The following HOXC8 variants were observed in gnomAD, a reference collection of about 807,000 sequenced individuals.
The protein encoded by HOXC8 is homeobox protein Hox-C8.
Under a neutral mutation model 25.8 loss-of-function variants are expected in HOXC8, and 14 were observed. That is an observed-to-expected ratio of 0.54 (90% CI 0.36 to 0.85). The LOEUF is 0.85. HOXC8 is among the 40% of genes least tolerant of loss of function. HOXC8 has a pLI of 0.01. For missense variants in HOXC8, 316 were observed against 308.8 expected (o/e 1.02, Z -0.17); for synonymous variants, 144 against 124.6 (o/e 1.16, Z -1.04).
In HOXC8 at chr12:54,009,742, C is replaced by T; in HGVS notation, c.436+22C>T. The T allele has an allele frequency of 1.9e-6, 3 of 1,601,972 alleles. No individual in the cohort carries two copies. The highest frequency in any genetic ancestry group is 2.6e-6 in the Non-Finnish European group (3 of 1,170,084). On this transcript the variant is annotated intron_variant, in intron 1 of 1. Transcript: ENST00000040584. The surrounding 1 kb of genome is among the most constrained non-coding windows in gnomAD (Gnocchi z 5.0). ...CACGGTGAGAAGCCTTTTCTCTTTC[C>T]CCCTTGGTCTCCCGCGCTCCAGGGT... is the stretch of plus-strand genomic sequence containing the variant.
rs1169433713 is a variant in HOXC8 at position 54,009,574 on chromosome 12, A to G, written c.290A>G (p.Gln97Arg). 1.2e-6 allele frequency: 2 copies of G among 1,614,104 alleles called. No homozygotes were observed. Among genetic ancestry groups the G allele is most frequent in the Admixed American group, 1.7e-5 (1 of 60,012 alleles). The change falls in exon 1 of 2, where the codon CAG becomes CGG. Residue 97 changes from glutamine (Q) to arginine (R), a missense_variant. Gln to Arg is a conservative substitution (Grantham distance 43, BLOSUM62 1). Coordinates refer to ENST00000040584, the MANE Select transcript of HOXC8 (RefSeq NM_022658.4). This position sits in a 1 kb window ranked among gnomAD's most constrained non-coding sequence, Gnocchi z 5.0. ...TATGGCTACGAGGCGCTCCCCAGAC[A>G]GTCCCTTTATGGGGCTCAGCAAGAG... is the stretch of plus-strand genomic sequence containing the variant. The part of the protein sequence containing the change: ...KFYGYEALPR[Q>R]SLYGAQQEAS...
intron 1 of HOXC8, 143 bp from the exon 2 acceptor site, chr12:54,010,946 T>C (rs2136402515): frequency 4.5e-6 from 1 of 221,770 alleles, no homozygotes; most frequent in South Asian, 5.5e-5. Context: ...TTTTCTGCCC[T>C]TGTCTGCCTT....
In HOXC8 at chr12:54,011,616, G is replaced by A. The variant is rs1352959590; in HGVS notation, c.*235G>A. 5.3e-6 allele frequency: 2 copies of A among 378,472 alleles called. No homozygotes were observed. The highest frequency in any genetic ancestry group is 4.9e-5 in the East Asian group (1 of 20,426). The allele number at this position is 378,472 out of a possible 1,614,324, so 23.4% of individuals were successfully genotyped here. On this transcript the variant is annotated 3_prime_UTR_variant, in exon 2 of 2. Transcript: ENST00000040584. Reference sequence around the variant, plus strand: ...GAGACGGAGAAACAGTGAAAAGTTCGGACTCTCTGTCTCACTCCTTGCCCC... The same window carrying A: ...GAGACGGAGAAACAGTGAAAAGTTCAGACTCTCTGTCTCACTCCTTGCCCC...
In HOXC8 at chr12:54,009,447, C is replaced by A. The variant is rs770260850; in HGVS notation, c.163C>A (p.His55Asn). ...GCCCGGCTTCCAGCACGCTTCGCAC[C>A]ACGTTCAAGACTTCTTCCACCACGG... ...SAPGFQHASH[H>N]VQDFFHHGTS... The change falls in exon 1 of 2, where the codon CAC (histidine) becomes AAC (asparagine). Residue 55 changes from histidine to asparagine, a missense_variant. His to Asn is a moderately conservative substitution (Grantham distance 68, BLOSUM62 1). Coordinates refer to ENST00000040584, the MANE Select transcript of HOXC8 (RefSeq NM_022658.4). This position sits in a 1 kb window ranked among gnomAD's most constrained non-coding sequence, Gnocchi z 5.0. The A allele has an allele frequency of 6.2e-7, 1 of 1,614,172 alleles. No individual in the cohort carries two copies. The highest frequency in any genetic ancestry group is 1.7e-5 in the Admixed American group (1 of 60,034).
In HOXC8 at chr12:54,009,558, G is replaced by A. The variant is rs749816109; in HGVS notation, c.274G>A (p.Glu92Lys). 9 of 1,614,112 alleles carry A rather than the reference G, an allele frequency of 5.6e-6. No homozygotes were observed. The highest frequency in any genetic ancestry group is 1.6e-4 in the Middle Eastern group (1 of 6,084). Residue 92 changes from glutamate (E) to lysine (K), a missense_variant, in exon 1 of 2, where the codon GAG (glutamate) becomes AAG (lysine). Glu to Lys is a moderately conservative substitution (Grantham distance 56). Transcript: ENST00000040584. The surrounding 1 kb of genome is among the most constrained non-coding windows in gnomAD (Gnocchi z 5.0). ...HGDASKFYGYEALPRQSLYGA... is the reference protein window; with the variant it reads ...HGDASKFYGYKALPRQSLYGA... ...AGACGCCTCCAAATTCTATGGCTAC[G>A]AGGCGCTCCCCAGACAGTCCCTTTA...
At position 54,011,585 on chromosome 12, in the gene HOXC8, A is replaced by T. The variant is rs1420706305; in HGVS notation, c.*204A>T. ...CACTCTTTATTTGTTTGGGGGCTGGAGGGGGGAGACGGAGAAACAGTGAAA... is the reference window on the plus strand; with the variant it reads ...CACTCTTTATTTGTTTGGGGGCTGGTGGGGGGAGACGGAGAAACAGTGAAA... On this transcript the variant is annotated 3_prime_UTR_variant, in exon 2 of 2. Coordinates refer to ENST00000040584, the MANE Select transcript of HOXC8 (RefSeq NM_022658.4). 1 of 587,788 alleles carries T rather than the reference A, an allele frequency of 1.7e-6. No individual in the cohort carries two copies. The highest frequency in any genetic ancestry group is 2.6e-6 in the Non-Finnish European group (1 of 381,600). The allele number at this position is 587,788 out of a possible 1,614,324, so 36.4% of individuals were successfully genotyped here. A position where few individuals can be genotyped will look rare whatever the true frequency, so the allele number is the denominator to read the frequency against.
At position 54,011,414 on chromosome 12, in the gene HOXC8, C is replaced by G; in HGVS notation, c.*33C>G. ...AGAAAGACCCCCCCCCCCTTAGCAA[C>G]TCCCTTGAAGTTTCGTTTTATGGTA... On this transcript the variant is annotated 3_prime_UTR_variant, in exon 2 of 2. Coordinates refer to ENST00000040584, the MANE Select transcript of HOXC8 (RefSeq NM_022658.4). The G allele has an allele frequency of 8.3e-7, 1 of 1,197,842 alleles. No homozygotes were observed. The highest frequency in any genetic ancestry group is 1.1e-6 in the Non-Finnish European group (1 of 881,484). The allele number at this position is 1,197,842 out of a possible 1,614,324, so 74.2% of individuals were successfully genotyped here. A position where few individuals can be genotyped will look rare whatever the true frequency, so the allele number is the denominator to read the frequency against.
rs139248087 is a variant in HOXC8, at chr12:54,010,986, C to G, written c.437-103C>G. On this transcript the variant is annotated intron_variant, in intron 1 of 1. Coordinates refer to ENST00000040584, the MANE Select transcript of HOXC8 (RefSeq NM_022658.4). ...TCTAGCCTTTTCCATAGAGGGGAGG[C>G]GAACTGAGGAGATCAGAGAGGGGAG... 7.0e-4 allele frequency: 527 copies of G among 748,810 alleles called. 3 individuals are homozygous for G. The African/African-American group carries it at 8.4e-3, about 12-fold the overall frequency. The allele number at this position is 748,810 out of a possible 1,614,324, so 46.4% of individuals were successfully genotyped here.
In HOXC8 at chr12:54,009,426, G is replaced by A. The variant is rs747846683; in HGVS notation, c.142G>A (p.Gly48Ser). ...GTACGGGCCCGGCGGCTCGGCGCCC[G>A]GCTTCCAGCACGCTTCGCACCACGT... ...LVYGPGGSAP[G>S]FQHASHHVQD... The change falls in exon 1 of 2, where the codon GGC (glycine) becomes AGC (serine). Residue 48 changes from glycine (G) to serine (S), a missense_variant. Transcript: ENST00000040584. This position sits in a 1 kb window ranked among gnomAD's most constrained non-coding sequence, Gnocchi z 5.0. 15 of 1,613,918 alleles carry A rather than the reference G, an allele frequency of 9.3e-6. No individual in the cohort carries two copies. The African/African-American group carries it at 1.6e-4, about 17-fold the overall frequency.
At chr12:54,010,126 G>GGGAGCCT (rs1939952112) in intron 1 of HOXC8, among the ~76,000 whole-genome samples, 1 of 152,222 alleles carries the variant, frequency 6.6e-6, no homozygotes, top group African/African-American at 2.4e-5. Context: ...TCCAGAGGCA[G>GGGAGCCT]GGAGCCTGGA....
chr12:54,011,383 C>CA lies in HOXC8; in HGVS notation c.*8dup. 3 of 1,437,612 alleles carry CA rather than the reference C, an allele frequency of 2.1e-6. No individual in the cohort carries two copies. The highest frequency in any genetic ancestry group is 3.1e-5 in the South Asian group (2 of 63,670). The allele number at this position is 1,437,612 out of a possible 1,614,324, so 89.1% of individuals were successfully genotyped here. On this transcript the variant is annotated 3_prime_UTR_variant, in exon 2 of 2. Coordinates refer to ENST00000040584, the MANE Select transcript of HOXC8 (RefSeq NM_022658.4). ...GAAAAGGAAGAAAACAAGGACTAAG[C>CA]AAAAAAGAAAGACCCCCCCCCCCTT...
Position 54,009,793 on chromosome 12 carries a change from T to A in HOXC8, c.436+73T>A. The A allele has an allele frequency of 7.5e-7, 1 of 1,332,988 alleles. No homozygotes were observed. The highest frequency in any genetic ancestry group is 1.1e-6 in the Non-Finnish European group (1 of 942,866). 82.6% of individuals were successfully genotyped at this position (1,332,988 alleles called of 1,614,324 possible). A position where few individuals can be genotyped will look rare whatever the true frequency, so the allele number is the denominator to read the frequency against. ...TTCCCCCCCTCCCTCGCCTCCTTTT[T>A]GTCTGCCCTCGCTTTTTCTCCTGGC... On this transcript the variant is annotated intron_variant, in intron 1 of 1. Coordinates refer to ENST00000040584, the MANE Select transcript of HOXC8 (RefSeq NM_022658.4). This position sits in a 1 kb window ranked among gnomAD's most constrained non-coding sequence, Gnocchi z 5.0.
Position 54,009,231 on chromosome 12 carries a change from G to T in HOXC8, c.-54G>T. The stretch of plus-strand genomic sequence containing the variant: ...GGGAGGGGAGTTTCGGGGGTACTGG[G>T]CGGGGTACTCGTGAGCCAGAGGGGA... On this transcript the variant is annotated 5_prime_UTR_variant, in exon 1 of 2. Transcript: ENST00000040584. The surrounding 1 kb of genome is among the most constrained non-coding windows in gnomAD (Gnocchi z 5.0). 7.0e-7 allele frequency: 1 copy of T among 1,432,904 alleles called. No individual in the cohort carries two copies. The highest frequency in any genetic ancestry group is 9.5e-7 in the Non-Finnish European group (1 of 1,050,124). 88.8% of individuals were successfully genotyped at this position (1,432,904 alleles called of 1,614,324 possible).
chr12:54,009,564 C>T lies in HOXC8; in HGVS notation c.280C>T (p.Leu94Phe). Residue 94 changes from leucine to phenylalanine, a missense_variant, in exon 1 of 2, where the codon CTC becomes TTC. Coordinates refer to ENST00000040584, the MANE Select transcript of HOXC8 (RefSeq NM_022658.4). The surrounding 1 kb of genome is among the most constrained non-coding windows in gnomAD (Gnocchi z 5.0). Reference sequence around the variant, plus strand: ...CTCCAAATTCTATGGCTACGAGGCGCTCCCCAGACAGTCCCTTTATGGGGC... The same window carrying T: ...CTCCAAATTCTATGGCTACGAGGCGTTCCCCAGACAGTCCCTTTATGGGGC... ...DASKFYGYEA[L>F]PRQSLYGAQQ... 6.2e-7 allele frequency: 1 copy of T among 1,614,238 alleles called. No individual in the cohort carries two copies.
intron 1 of HOXC8, among the ~76,000 whole-genome samples, chr12:54,010,544 A>C (rs1046334430): frequency 6.6e-6 from 1 of 152,236 alleles, no homozygotes; most frequent in Admixed American, 6.5e-5. Flanking sequence ...TAAAGCGACA[A>C]GTTCCGGCGG....
chr12:54,009,425 C>T lies in HOXC8; in HGVS notation c.141C>T (p.Pro47=), dbSNP rs545875568. Residue 47 remains proline (P), a synonymous_variant, in exon 1 of 2, where the codon CCC becomes CCT. Transcript: ENST00000040584. This position sits in a 1 kb window ranked among gnomAD's most constrained non-coding sequence, Gnocchi z 5.0. The part of the protein sequence containing the change: ...ALVYGPGGSA[P]GFQHASHHVQ... The stretch of plus-strand genomic sequence containing the variant: ...TGTACGGGCCCGGCGGCTCGGCGCC[C>T]GGCTTCCAGCACGCTTCGCACCACG... 12 of 1,614,084 alleles carry T rather than the reference C, an allele frequency of 7.4e-6. No individual in the cohort carries two copies. The Admixed American group carries it at 1.7e-4, about 22-fold the overall frequency.
rs1314584146 is a variant in HOXC8 at position 54,009,257 on chromosome 12, G to A, written c.-28G>A. ...CGGGGTACTCGTGAGCCAGAGGGGA[G>A]GGGGCCGCGGGTTTTCATGTACCCA... On this transcript the variant is annotated 5_prime_UTR_variant, in exon 1 of 2. Coordinates refer to ENST00000040584, the MANE Select transcript of HOXC8 (RefSeq NM_022658.4). The surrounding 1 kb of genome is among the most constrained non-coding windows in gnomAD (Gnocchi z 5.0). The A allele has an allele frequency of 1.3e-6, 2 of 1,539,908 alleles. No homozygotes were observed. The highest frequency in any genetic ancestry group is 1.8e-6 in the Non-Finnish European group (2 of 1,138,278).
At chr12:54,011,031 C>G (rs1939980093) in intron 1 of HOXC8, 58 bp from the exon 2 acceptor site, 2 of 1,289,622 alleles carry the variant, frequency 1.6e-6, no homozygotes, top group South Asian at 1.2e-5. Flanking sequence ...GGAAGAGTGG[C>G]AAAGGAAAAC....
At chr12:54,010,522 A>AG (rs1939965547) in intron 1 of HOXC8, among the ~76,000 whole-genome samples, 1 of 152,200 alleles carries the variant, frequency 6.6e-6, no homozygotes, top group African/African-American at 2.4e-5. Context: ...TTCGAAGTAC[A>AG]GGGGGAAGCG....
Sources: allele counts gnomAD v4.1 joint callset (sites outside exome capture counted in the v4.1 genomes callset), GRCh38; gene constraint gnomAD v4.1.1; non-coding constraint Gnocchi (gnomAD v3.1); transcripts MANE v1.5; gene names NCBI Gene and HGNC (gene_info 2026-07-23, HGNC 2026-07-21).